Variants in KCNH1 observed in about 807,000 individuals in gnomAD.
The protein encoded by KCNH1 is potassium voltage-gated channel subfamily H member 1, also known as voltage-gated delayed rectifier potassium channel KCNH1.
Under a neutral mutation model 69.2 loss-of-function variants are expected in KCNH1, and 27 were observed. That is an observed-to-expected ratio of 0.39 (90% confidence interval 0.29 to 0.54). KCNH1 has a LOEUF of 0.54. KCNH1 is among the 20% of genes least tolerant of loss of function. KCNH1 has a pLI of 0.68. For missense variants in KCNH1, 798 were observed against 1,261.6 expected, an observed-to-expected ratio of 0.63 and a Z score of 5.57; for synonymous variants, 456 against 487.7, an observed-to-expected ratio of 0.93 and a Z score of 0.86.
intron 9 of KCNH1, among the ~76,000 whole-genome samples, chr1:210,790,188 T>A (rs1272857586): frequency 1.3e-5 from 2 of 152,262 alleles, no homozygotes; most frequent in African/African-American, 4.8e-5. Flanking sequence ...TATTTCTTCC[T>A]CTAAATCCTA....
At chr1:211,006,003 C>A (rs1050621884) in intron 6 of KCNH1, among the ~76,000 whole-genome samples, 2 of 152,148 alleles carry the variant, frequency 1.3e-5, no homozygotes, top group African/African-American at 4.8e-5. Context: ...GATGCTAAAT[C>A]TCTTTAGTCA....
chr1:210,789,015 T>C (rs1165914032), intron 9 of KCNH1, among the ~76,000 whole-genome samples: 1 of 152,190 alleles, frequency 6.6e-6, no homozygotes, highest in Non-Finnish European at 1.5e-5. Flanking sequence ...TTTCTAAAAG[T>C]GCGGACTTAG....
chr1:211,058,340 A>AT (rs1690353121), intron 5 of KCNH1, among the ~76,000 whole-genome samples: 1 of 152,228 alleles, frequency 6.6e-6, no homozygotes, highest in Admixed American at 6.5e-5. Flanking sequence ...ATTGTGGTGT[A>AT]TAAACTAATA....
intron 7 of KCNH1, among the ~76,000 whole-genome samples, chr1:210,917,229 G>GAGAAAAAGAA (rs1553359736): frequency 2.5e-5 from 2 of 78,800 alleles, no homozygotes; most frequent in Non-Finnish European, 4.9e-5. Flanking sequence ...GAGAGAGAGA[G>GAGAAAAAGAA]AGAAAGAAAG....
At chr1:210,967,212 T>G (rs1399719493) in intron 6 of KCNH1, among the ~76,000 whole-genome samples, 1 of 152,030 alleles carries the variant, frequency 6.6e-6, no homozygotes, top group Non-Finnish European at 1.5e-5. Context: ...TTAGGAGGAA[T>G]ACATAATGTA....
At chr1:210,745,503 A>C (rs1054374198) in intron 10 of KCNH1, among the ~76,000 whole-genome samples, 3 of 152,230 alleles carry the variant, frequency 2.0e-5, no homozygotes, top group Admixed American at 2.0e-4. Context: ...ATGCCAATTA[A>C]GAAACGATGG....
chr1:210,942,738 G>A (rs193223728), intron 6 of KCNH1, among the ~76,000 whole-genome samples: 365 of 151,840 alleles, frequency 2.4e-3, no homozygotes, highest in Non-Finnish European at 4.4e-3. Context: ...ACCCATAGGG[G>A]AGCAAAGGTC....
At chr1:210,857,877 T>A (rs752777556) in intron 7 of KCNH1, among the ~76,000 whole-genome samples, 3 of 152,132 alleles carry the variant, frequency 2.0e-5, no homozygotes, top group Non-Finnish European at 4.4e-5. Context: ...TGCAGTGGTA[T>A]CAATAGTGGT....
At chr1:210,954,286 T>G (rs1688121587) in intron 6 of KCNH1, among the ~76,000 whole-genome samples, 1 of 152,258 alleles carries the variant, frequency 6.6e-6, no homozygotes, top group African/African-American at 2.4e-5. Flanking sequence ...TGCCACATTT[T>G]CTTAATCCAG....
intron 7 of KCNH1, among the ~76,000 whole-genome samples, chr1:210,880,000 C>T (rs1235850537): frequency 6.6e-6 from 1 of 151,884 alleles, no homozygotes; most frequent in Non-Finnish European, 1.5e-5. Flanking sequence ...CATTAGCACC[C>T]CTAAAAATGA....
At position 210,993,308 on chromosome 1, in the gene KCNH1, G is replaced by A. The variant is rs528282319; in HGVS notation, c.1032+25475C>T. Among the ~76,000 whole-genome samples, 26 of 152,162 alleles carry A rather than the reference G, an allele frequency of 1.7e-4. No homozygotes were observed. The East Asian group carries it at 2.9e-3, about 17-fold the overall frequency. ...CCACTAAGGAGTTTCTCATTCTACCGAAAAGGAATGATTCTTATGCACTTT... is the reference window on the plus strand; with the variant it reads ...CCACTAAGGAGTTTCTCATTCTACCAAAAAGGAATGATTCTTATGCACTTT... On this transcript the variant is annotated intron_variant, in intron 6 of 10. Coordinates refer to ENST00000271751, the MANE Select transcript of KCNH1 (RefSeq NM_172362.3).
chr1:210,716,727 C>T (rs1483829723), intron 10 of KCNH1, among the ~76,000 whole-genome samples: 1 of 152,142 alleles, frequency 6.6e-6, no homozygotes, highest in African/African-American at 2.4e-5. Flanking sequence ...TGATTACATG[C>T]CCTGTCTCTC....
chr1:210,720,735 C>T (rs1682432505), intron 10 of KCNH1, among the ~76,000 whole-genome samples: 1 of 152,134 alleles, frequency 6.6e-6, no homozygotes, highest in South Asian at 2.1e-4. Flanking sequence ...TGGCCAAATC[C>T]CTTTCTCAAG....
chr1:210,742,133 G>A (rs931071383), intron 10 of KCNH1, among the ~76,000 whole-genome samples: 2 of 152,130 alleles, frequency 1.3e-5, no homozygotes, highest in African/African-American at 2.4e-5. Context: ...GTCACAGAAA[G>A]GCAGAGAACA....
chr1:210,849,298 TAG>T lies in KCNH1; in HGVS notation c.1463-45134_1463-45133del, dbSNP rs573632116. ...CCTCCTTGGAGGATTTGAATTAGAATAGAGTTTGTCAAACCATGGTTTTAAGC... is the reference window on the plus strand; with the variant it reads ...CCTCCTTGGAGGATTTGAATTAGAATAGTTTGTCAAACCATGGTTTTAAGC... On this transcript the variant is annotated intron_variant, in intron 7 of 10. Transcript: ENST00000271751. 2.1e-3 allele frequency among the ~76,000 whole-genome samples: 315 copies of T among 152,172 alleles called. 1 individual carries two copies. The highest frequency in any genetic ancestry group is 7.1e-3 in the African/African-American group (296 of 41,522).
chr1:210,996,802 C>T (rs1218701237), intron 6 of KCNH1, among the ~76,000 whole-genome samples: 1 of 152,210 alleles, frequency 6.6e-6, no homozygotes, highest in Admixed American at 6.5e-5. Context: ...GAGGAACGAT[C>T]AGGCAGCAGC....
intron 10 of KCNH1, among the ~76,000 whole-genome samples, chr1:210,741,124 C>G (rs1683017190): frequency 6.6e-6 from 1 of 152,140 alleles, no homozygotes; most frequent in African/African-American, 2.4e-5. Context: ...TCACTAGGAT[C>G]CTTCGAATGA....
intron 10 of KCNH1, among the ~76,000 whole-genome samples, chr1:210,721,224 CT>C: frequency 6.6e-6 from 1 of 152,230 alleles, no homozygotes; most frequent in Admixed American, 6.5e-5. Context: ...ACAATAGGTA[CT>C]TGATGCCCCT....
intron 6 of KCNH1, among the ~76,000 whole-genome samples, chr1:210,920,946 C>T (rs898863423): frequency 2.6e-5 from 4 of 152,142 alleles, no homozygotes; most frequent in Admixed American, 6.5e-5. Context: ...CAGGCCAGGT[C>T]TATTCTCCAA....
Sources: allele counts gnomAD v4.1 joint callset (sites outside exome capture counted in the v4.1 genomes callset), GRCh38; gene constraint gnomAD v4.1.1; transcripts MANE v1.5; gene names NCBI Gene and HGNC (gene_info 2026-07-23, HGNC 2026-07-21).